Variants in SH3KBP1 observed in about 807,000 individuals in gnomAD.
SH3KBP1 encodes the protein SH3 domain containing kinase binding protein 1.
A neutral mutation model predicts 50.1 loss-of-function variants in SH3KBP1; 8 were observed. That is an observed-to-expected ratio of 0.16 (90% confidence interval 0.09 to 0.29). The LOEUF (loss-of-function observed/expected upper bound fraction) is 0.29. Among genes scored for constraint, SH3KBP1 ranks in the 10% least tolerant of loss-of-function variants. The pLI is 1.00. For synonymous variants in SH3KBP1, 227 were observed against 218.6 expected, an observed-to-expected ratio of 1.04 and a Z score of -0.34; for missense variants, 377 against 535.2, an observed-to-expected ratio of 0.70 and a Z score of 2.92.
intron 1 of SH3KBP1, among the ~76,000 whole-genome samples, chrX:19,862,907 G>A (rs2068813695): frequency 8.9e-6 from 1 of 112,022 alleles, no homozygotes; most frequent in Non-Finnish European, 1.9e-5. Context: ...AAAACAAGCA[G>A]TGGCCCTCTG....
intron 1 of SH3KBP1, among the ~76,000 whole-genome samples, chrX:19,882,936 T>C (rs1165839068): frequency 1.8e-5 from 2 of 111,687 alleles, no homozygotes; most frequent in East Asian, 5.6e-4. Context: ...ACACAAGAAG[T>C]GTGTTTTGAA....
intron 2 of SH3KBP1, among the ~76,000 whole-genome samples, chrX:19,826,108 T>C (rs2067663277): frequency 8.9e-6 from 1 of 112,462 alleles, no homozygotes; most frequent in Non-Finnish European, 1.9e-5. Context: ...ATTCTAACAG[T>C]TGCTGGATGA....
intron 13 of SH3KBP1, among the ~76,000 whole-genome samples, chrX:19,553,864 A>AATATAT (rs1019709123): frequency 1.2e-5 from 1 of 84,371 alleles, no homozygotes; most frequent in Non-Finnish European, 2.2e-5. Context: ...TATATATTAA[A>AATATAT]ATATATGTTA....
intron 3 of SH3KBP1, among the ~76,000 whole-genome samples, chrX:19,736,586 G>C (rs1326885575): frequency 8.9e-6 from 1 of 112,359 alleles, no homozygotes. Flanking sequence ...CTTCCTGGTT[G>C]AAACAATGAG....
At chrX:19,603,790 C>T (rs751642933) in intron 9 of SH3KBP1, among the ~76,000 whole-genome samples, 5 of 111,571 alleles carry the variant, frequency 4.5e-5, no homozygotes, top group Non-Finnish European at 5.6e-5. Flanking sequence ...TGGGCCCAAG[C>T]GATCCCCCAA....
At chrX:19,653,245 C>A (rs2062173412) in intron 6 of SH3KBP1, among the ~76,000 whole-genome samples, 1 of 111,767 alleles carries the variant, frequency 8.9e-6, no homozygotes, top group South Asian at 3.8e-4. Context: ...CTTGGCCTCC[C>A]AAAGTGCCGG....
At chrX:19,579,665 G>C (rs981118567) in intron 12 of SH3KBP1, among the ~76,000 whole-genome samples, 3 of 112,031 alleles carry the variant, frequency 2.7e-5, no homozygotes, top group African/African-American at 9.7e-5. Flanking sequence ...TTATGTGTGG[G>C]AGGAAGGAAA....
At chrX:19,770,719 T>TA (rs2065764453) in intron 2 of SH3KBP1, among the ~76,000 whole-genome samples, 1 of 109,992 alleles carries the variant, frequency 9.1e-6, no homozygotes, top group African/African-American at 3.3e-5. Flanking sequence ...TTTTTTTTTT[T>TA]ACTTTTTAAT....
At chrX:19,715,976 G>A (rs2063898898) in intron 3 of SH3KBP1, among the ~76,000 whole-genome samples, 1 of 111,859 alleles carries the variant, frequency 8.9e-6, no homozygotes, top group Non-Finnish European at 1.9e-5. Flanking sequence ...CAGCATGCCA[G>A]CTTCTTTAAA....
intron 1 of SH3KBP1, among the ~76,000 whole-genome samples, chrX:19,862,776 A>G (rs1003498535): frequency 1.8e-5 from 2 of 112,102 alleles, no homozygotes; most frequent in African/African-American, 6.5e-5. Flanking sequence ...CCTTATCCTA[A>G]AAGAGGTCAG....
At chrX:19,822,673 C>T (rs2067560673) in intron 2 of SH3KBP1, among the ~76,000 whole-genome samples, 1 of 111,913 alleles carries the variant, frequency 8.9e-6, no homozygotes, top group Non-Finnish European at 1.9e-5. Flanking sequence ...TTTTCTCATT[C>T]GAGTTGTGAT....
At chrX:19,614,248 G>A (rs2067529983) in intron 8 of SH3KBP1, among the ~76,000 whole-genome samples, 2 of 112,723 alleles carry the variant, frequency 1.8e-5, no homozygotes, top group South Asian at 7.2e-4. Context: ...GCATGGCCCC[G>A]TGTAACCTGG....
chrX:19,708,829 A>G (rs910379338), intron 3 of SH3KBP1, among the ~76,000 whole-genome samples: 1 of 111,764 alleles, frequency 8.9e-6, no homozygotes, highest in South Asian at 3.7e-4. Context: ...TGAACATGAA[A>G]CAAGTGAAAT....
At chrX:19,584,766 C>G (rs1394494963) in intron 12 of SH3KBP1, among the ~76,000 whole-genome samples, 2 of 112,241 alleles carry the variant, frequency 1.8e-5, no homozygotes, top group African/African-American at 6.5e-5. Context: ...CCTCTGAAAG[C>G]CGCACTTGGC....
chrX:19,690,197 C>A (rs2063255760), intron 5 of SH3KBP1, among the ~76,000 whole-genome samples: 1 of 109,794 alleles, frequency 9.1e-6, no homozygotes, highest in Non-Finnish European at 1.9e-5. Flanking sequence ...GTATCTGGGA[C>A]CACAGGCAGA....
At chrX:19,784,050 C>A (rs1403990116) in intron 2 of SH3KBP1, among the ~76,000 whole-genome samples, 2 of 112,046 alleles carry the variant, frequency 1.8e-5, no homozygotes, top group East Asian at 2.8e-4. Flanking sequence ...TATTTGACGA[C>A]CATCTGGTTG....
chrX:19,655,013 A>T (rs1386989295), intron 6 of SH3KBP1, among the ~76,000 whole-genome samples: 2 of 111,971 alleles, frequency 1.8e-5, no homozygotes, highest in African/African-American at 6.5e-5. Flanking sequence ...TCCTCCCCCA[A>T]TATATTTGAA....
intron 1 of SH3KBP1, among the ~76,000 whole-genome samples, chrX:19,840,009 CT>C (rs1234372846): frequency 6.2e-5 from 7 of 112,560 alleles, no homozygotes; most frequent in Middle Eastern, 4.6e-3. Flanking sequence ...ACTAAGGGAG[CT>C]TGCTATTTAA....
chrX:19,602,573 A>T (rs2067121305), intron 9 of SH3KBP1, among the ~76,000 whole-genome samples: 1 of 112,255 alleles, frequency 8.9e-6, no homozygotes, highest in Admixed American at 9.5e-5. Flanking sequence ...GTTTAGGTAA[A>T]TTTTTTTCAT....
Sources: gnomAD v4.1 joint callset for allele counts (sites outside exome capture counted in the v4.1 genomes callset) on GRCh38, gnomAD v4.1.1 for gene constraint, MANE v1.5 for transcripts, NCBI Gene and HGNC (gene_info 2026-07-23, HGNC 2026-07-21) for gene names.